Variants in EIF2B3 observed in about 807,000 individuals in gnomAD.
The protein encoded by EIF2B3 is eukaryotic translation initiation factor 2B subunit gamma.
A neutral mutation model predicts 54.1 loss-of-function variants in EIF2B3; 20 were observed. That is an observed-to-expected ratio of 0.37 (90% confidence interval 0.26 to 0.54). The LOEUF is 0.54. Among genes scored for constraint, EIF2B3 ranks in the 20% least tolerant of loss-of-function variants. The pLI is 0.86. For missense variants in EIF2B3, 448 were observed against 547.8 expected, an observed-to-expected ratio of 0.82 and a Z score of 1.82; for synonymous variants, 153 against 188.1, an observed-to-expected ratio of 0.81 and a Z score of 1.52.
chr1:44,966,626 A>G (rs1280678006), intron 3 of EIF2B3, among the ~76,000 whole-genome samples: 2 of 152,156 alleles, frequency 1.3e-5, no homozygotes, highest in Non-Finnish European at 2.9e-5. Flanking sequence ...TGAAGCTAAA[A>G]AAGCAATTCT....
chr1:44,867,627 A>G (rs1263313395), intron 10 of EIF2B3, among the ~76,000 whole-genome samples: 1 of 152,134 alleles, frequency 6.6e-6, no homozygotes, highest in Non-Finnish European at 1.5e-5. Flanking sequence ...CTGCAATTTA[A>G]TTACCTTTCC....
intron 11 of EIF2B3, among the ~76,000 whole-genome samples, chr1:44,854,043 C>A (rs1386247181): frequency 6.9e-6 from 1 of 145,234 alleles, no homozygotes; most frequent in Admixed American, 6.9e-5. Context: ...TGCTCTGTTG[C>A]CCAGGCTGGA....
intron 5 of EIF2B3, among the ~76,000 whole-genome samples, chr1:44,911,023 A>C (rs913076693): frequency 1.3e-5 from 2 of 152,118 alleles, no homozygotes; most frequent in Non-Finnish European, 2.9e-5. Flanking sequence ...TCCTATATAC[A>C]TGAAGGCCGT....
chr1:44,901,298 T>C (rs1643292777), intron 5 of EIF2B3, among the ~76,000 whole-genome samples: 1 of 152,074 alleles, frequency 6.6e-6, no homozygotes, highest in East Asian at 1.9e-4. Context: ...GTATTTTCAG[T>C]AGAGATGGGG....
intron 1 of EIF2B3, among the ~76,000 whole-genome samples, chr1:44,983,063 C>T (rs1644531534): frequency 6.6e-6 from 1 of 152,168 alleles, no homozygotes; most frequent in Non-Finnish European, 1.5e-5. Context: ...AGCCACTGCA[C>T]CTGGCCGCCT....
chr1:44,961,210 G>T (rs1644281630), intron 3 of EIF2B3, among the ~76,000 whole-genome samples: 1 of 149,844 alleles, frequency 6.7e-6, no homozygotes, highest in Non-Finnish European at 1.5e-5. Flanking sequence ...GTGGTGGTGA[G>T]TACCTCTAGT....
At chr1:44,986,054 C>T (rs758505298) in intron 1 of EIF2B3, among the ~76,000 whole-genome samples, 9 of 151,980 alleles carry the variant, frequency 5.9e-5, no homozygotes, top group Admixed American at 1.3e-4. Flanking sequence ...GTGCTAAAGG[C>T]GTCTGGTACC....
At chr1:44,963,575 G>A (rs1337741761) in intron 3 of EIF2B3, among the ~76,000 whole-genome samples, 1 of 152,146 alleles carries the variant, frequency 6.6e-6, no homozygotes, top group African/African-American at 2.4e-5. Context: ...TGGCCAACCA[G>A]GGAAGTCTTG....
chr1:44,871,646 C>T (rs1296015996), intron 10 of EIF2B3, among the ~76,000 whole-genome samples: 1 of 152,046 alleles, frequency 6.6e-6, no homozygotes, highest in Non-Finnish European at 1.5e-5. Flanking sequence ...AGATAAGGCA[C>T]TTACATTCTG....
chr1:44,960,365 C>T (rs1056060434), intron 3 of EIF2B3, among the ~76,000 whole-genome samples: 2 of 151,974 alleles, frequency 1.3e-5, no homozygotes, highest in Admixed American at 6.6e-5. Context: ...CTGGGCCGGG[C>T]GTGGTGGCTC....
chr1:44,894,415 T>C (rs979773384), intron 6 of EIF2B3, among the ~76,000 whole-genome samples: 1 of 152,120 alleles, frequency 6.6e-6, no homozygotes, highest in Non-Finnish European at 1.5e-5. Flanking sequence ...CTTCTTCCAC[T>C]ATTAATGTAT....
chr1:44,907,296 A>G (rs1643430100), intron 5 of EIF2B3, among the ~76,000 whole-genome samples: 1 of 152,164 alleles, frequency 6.6e-6, no homozygotes, highest in Middle Eastern at 3.2e-3. Flanking sequence ...GCGGTGGCTC[A>G]TGCCTGTACT....
At chr1:44,857,882 T>C in intron 10 of EIF2B3, 75 bp from the exon 11 acceptor site, 1 of 1,436,204 alleles carries the variant, frequency 7.0e-7, no homozygotes, top group Non-Finnish European at 9.8e-7. Context: ...TTGGGGGTTC[T>C]GGCTCCTCCC....
At chr1:44,889,859 C>T (rs556889283) in intron 6 of EIF2B3, among the ~76,000 whole-genome samples, 3 of 152,142 alleles carry the variant, frequency 2.0e-5, no homozygotes, top group Non-Finnish European at 4.4e-5. Context: ...GATATTCAAG[C>T]TCTAATAGAC....
intron 5 of EIF2B3, among the ~76,000 whole-genome samples, chr1:44,917,197 T>C (rs1321264783): frequency 6.6e-6 from 1 of 152,106 alleles, no homozygotes; most frequent in Non-Finnish European, 1.5e-5. Flanking sequence ...ACTATACTCT[T>C]AAAATCTGCA....
intron 6 of EIF2B3, among the ~76,000 whole-genome samples, chr1:44,889,672 GC>G (rs1185483069): frequency 6.6e-6 from 1 of 151,714 alleles, no homozygotes; most frequent in Non-Finnish European, 1.5e-5. Context: ...AGGATTACAG[GC>G]ACACGCCACC....
At chr1:44,979,058 A>C (rs1644485065) in intron 2 of EIF2B3, among the ~76,000 whole-genome samples, 1 of 151,644 alleles carries the variant, frequency 6.6e-6, no homozygotes, top group Non-Finnish European at 1.5e-5. Context: ...AGGCCGAGGC[A>C]GGCGGATCAC....
rs1557696978 is a variant in EIF2B3, at chr1:44,942,406, T to TAC, written c.295-742_295-741insGT. Among the ~76,000 whole-genome samples, 75 of 22,840 alleles carry TAC rather than the reference T, an allele frequency of 3.3e-3. 7 individuals are homozygous for TAC. Among genetic ancestry groups the TAC allele is most frequent in the Non-Finnish European group, 5.6e-3 (71 of 12,650 alleles). 15.0% of individuals were successfully genotyped at this position (22,840 alleles called of 152,430 possible). A position where few individuals can be genotyped will look rare whatever the true frequency, so the allele number is the denominator to read the frequency against. ...ATATATATATATATATATATATATA[T>TAC]ATATATATATATTTTTTTTTTTTTT... On this transcript the variant is annotated intron_variant, in intron 3 of 11. Coordinates refer to ENST00000360403, the MANE Select transcript of EIF2B3 (RefSeq NM_020365.5).
At chr1:44,877,205 A>C (rs1319301222) in intron 8 of EIF2B3, among the ~76,000 whole-genome samples, 62 of 147,046 alleles carry the variant, frequency 4.2e-4, no homozygotes, top group Admixed American at 1.8e-3. Context: ...AAAAAAAAAA[A>C]AAAAAAAAAA....
Sources: gnomAD v4.1 joint callset for allele counts (sites outside exome capture counted in the v4.1 genomes callset) on GRCh38, gnomAD v4.1.1 for gene constraint, MANE v1.5 for transcripts, NCBI Gene and HGNC (gene_info 2026-07-23, HGNC 2026-07-21) for gene names.